Variants in ETV7 observed in about 807,000 individuals in gnomAD.
The protein encoded by ETV7 is transcription factor ETV7.
Under a neutral mutation model 39.1 loss-of-function variants are expected in ETV7, and 43 were observed. That is an observed-to-expected ratio of 1.10 (90% CI 0.86 to 1.42). The LOEUF (loss-of-function observed/expected upper bound fraction) is 1.42. ETV7 is among the 40% of genes most tolerant of loss of function. The pLI is 0.00. For synonymous variants in ETV7, 196 were observed against 176.6 expected (o/e 1.11, Z -0.87); for missense variants, 432 against 442.3 (o/e 0.98, Z 0.21).
In ETV7 at chr6:36,366,576, G is replaced by A. The variant is rs886212196; in HGVS notation, c.*69C>T. 77 of 1,608,418 alleles carry A rather than the reference G, an allele frequency of 4.8e-5. 1 individual carries two copies. In the South Asian group the frequency reaches 8.3e-4, roughly 17 times the overall value. On this transcript the variant is annotated 3_prime_UTR_variant, in exon 8 of 8. Transcript: ENST00000340181. ...GGATCCTGCTGCTCTGCTGGGAGGA[G>A]GAGTCTGCCTTCATGGGAGACTCGG... is the stretch of plus-strand genomic sequence containing the variant.
chr6:36,371,691 TAGA>T, intron 4 of ETV7, 131 bp from the exon 5 acceptor site: 1 of 859,984 alleles, frequency 1.2e-6, no homozygotes, highest in Non-Finnish European at 1.8e-6. Context: ...AGCCCCTGGT[TAGA>T]AGGTCAGGGA....
Position 36,373,590 on chromosome 6 carries a change from T to TG in ETV7, c.308-13dup. 3.9e-6 allele frequency: 1 copy of TG among 255,710 alleles called. No homozygotes were observed. The allele number at this position is 255,710 out of a possible 1,614,324, so 15.8% of individuals were successfully genotyped here. Reference sequence around the variant, plus strand: ...ATACAGGACGTCACCTGGAGGTGGGTGGGAGGGAGGGCAGGCTGCTGAACA... The same window carrying TG: ...ATACAGGACGTCACCTGGAGGTGGGTGGGGAGGGAGGGCAGGCTGCTGAACA... On this transcript the variant is annotated splice_polypyrimidine_tract_variant and intron_variant, in intron 3 of 7. Transcript: ENST00000340181.
intron 7 of ETV7, among the ~76,000 whole-genome samples, chr6:36,357,356 G>A (rs1383543898): frequency 3.3e-5 from 5 of 152,126 alleles, no homozygotes; most frequent in African/African-American, 1.2e-4. Context: ...GGCAATCTCC[G>A]ACCAGAGAGT....
intron 2 of ETV7, among the ~76,000 whole-genome samples, chr6:36,381,596 C>G (rs1482958787): frequency 6.6e-6 from 1 of 152,148 alleles, no homozygotes; most frequent in Non-Finnish European, 1.5e-5. Flanking sequence ...TTATCATGTC[C>G]TTAGTTTATT....
intron 2 of ETV7, among the ~76,000 whole-genome samples, chr6:36,384,179 C>T (rs1368372366): frequency 6.6e-6 from 1 of 152,242 alleles, no homozygotes; most frequent in East Asian, 1.9e-4. Flanking sequence ...CTACTCCTCA[C>T]CAGTGTTTTA....
chr6:36,368,144 G>C (rs1772821689), intron 6 of ETV7, among the ~76,000 whole-genome samples: 1 of 152,046 alleles, frequency 6.6e-6, no homozygotes, highest in East Asian at 1.9e-4. Context: ...GGTAAACTTG[G>C]GGCAAGTTGT....
chr6:36,381,008 C>A (rs79320948), intron 2 of ETV7, among the ~76,000 whole-genome samples: 1,799 of 152,118 alleles, frequency 0.012, 35 homozygotes, highest in African/African-American at 0.041. Flanking sequence ...CCTCAAAGTG[C>A]CCCTCCCCAC....
intron 4 of ETV7, among the ~76,000 whole-genome samples, chr6:36,371,978 C>T (rs1044615838): frequency 6.6e-6 from 1 of 152,086 alleles, no homozygotes; most frequent in Non-Finnish European, 1.5e-5. Flanking sequence ...CCTCAGGGAG[C>T]TTATATGCTA....
At chr6:36,385,337 G>A (rs957597255) in intron 2 of ETV7, among the ~76,000 whole-genome samples, 197 bp downstream of exon 2, 25 of 152,090 alleles carry the variant, frequency 1.6e-4, no homozygotes, top group African/African-American at 6.0e-4. Context: ...ATTAGCCAGT[G>A]TGCCTGTAGT....
chr6:36,366,189 A>G, downstream of ETV7: 1 of 1,001,424 alleles, frequency 1.0e-6, no homozygotes, highest in Admixed American at 5.3e-5. Flanking sequence ...TAAAAGAAAG[A>G]AACATCAGCT....
intron 2 of ETV7, 31 bp from the exon 3 acceptor site, chr6:36,376,066 C>T (rs1467478758): frequency 7.0e-6 from 11 of 1,570,172 alleles, no homozygotes; most frequent in Non-Finnish European, 8.6e-6. Context: ...TCCCATCACT[C>T]CCCGTCGGGC....
In ETV7 at chr6:36,375,599, G is replaced by A; in HGVS notation, c.307+272C>T. On this transcript the variant is annotated intron_variant, in intron 3 of 7. Coordinates refer to ENST00000340181, the MANE Select transcript of ETV7 (RefSeq NM_016135.4). ...ATGGAAGTGGATAGAGGAGACAAGG[G>A]CCACAGATAAAGGGAAGAGAAAGCG... Among the ~76,000 whole-genome samples, 2 of 152,194 alleles carry A rather than the reference G, an allele frequency of 1.3e-5. 1 individual carries two copies. Among genetic ancestry groups the A allele is most frequent in the Non-Finnish European group, 2.9e-5 (2 of 68,034 alleles).
Position 36,366,958 on chromosome 6 carries a change from G to C in ETV7, c.825C>G (p.Thr275=), listed in dbSNP as rs149086054. Residue 275 remains threonine (T), a synonymous_variant, in exon 7 of 8, where the codon ACC becomes ACG. Coordinates refer to ENST00000340181, the MANE Select transcript of ETV7 (RefSeq NM_016135.4). ...WGNHKNRVNM[T]YEKMSRALRH... is the part of the protein sequence containing the mutation. Reference sequence around the variant, plus strand: ...GCAGGGCACGAGACATCTTCTCGTAGGTCATGTTCACCCGGTTCTGGAAAG... The same window carrying C: ...GCAGGGCACGAGACATCTTCTCGTACGTCATGTTCACCCGGTTCTGGAAAG... 5 of 1,613,904 alleles carry C rather than the reference G, an allele frequency of 3.1e-6. No individual in the cohort carries two copies. In the African/African-American group the frequency reaches 4.0e-5, roughly 13 times the overall value.
intron 7 of ETV7, among the ~76,000 whole-genome samples, chr6:36,356,666 T>C (rs1262046743): frequency 1.3e-5 from 2 of 152,226 alleles, no homozygotes; most frequent in African/African-American, 4.8e-5. Flanking sequence ...GGAAATGGGC[T>C]TCTCTTAATG....
Position 36,375,954 on chromosome 6 carries a change from G to A in ETV7, c.224C>T (p.Thr75Ile), listed in dbSNP as rs753558167. 6 of 1,613,572 alleles carry A rather than the reference G, an allele frequency of 3.7e-6. No homozygotes were observed. The highest frequency in any genetic ancestry group is 5.1e-6 in the Non-Finnish European group (6 of 1,180,036). Residue 75 changes from threonine (T) to isoleucine (I), a missense_variant, in exon 3 of 8, where the codon ACC becomes ATC. Coordinates refer to ENST00000340181, the MANE Select transcript of ETV7 (RefSeq NM_016135.4). Reference sequence around the variant, plus strand: ...GTTCATCTCGAACCCGTGCTCCGCGGTGCATGGCAGAGAGTACTCCTGCTC... The same window carrying A: ...GTTCATCTCGAACCCGTGCTCCGCGATGCATGGCAGAGAGTACTCCTGCTC... ...WAEQEYSLPC[T>I]AEHGFEMNGR...
intron 2 of ETV7, among the ~76,000 whole-genome samples, chr6:36,382,138 C>G (rs761322585): frequency 1.3e-5 from 2 of 152,150 alleles, no homozygotes; most frequent in African/African-American, 4.8e-5. Flanking sequence ...AGGCCATGAT[C>G]TAGGGCAGCA....
chr6:36,379,589 A>G (rs1422842179), intron 2 of ETV7, among the ~76,000 whole-genome samples: 1 of 151,386 alleles, frequency 6.6e-6, no homozygotes, highest in Non-Finnish European at 1.5e-5. Flanking sequence ...AAGAAGAAAA[A>G]GAAGAAGGCC....
chr6:36,363,595 G>C (rs958313053), downstream of ETV7, among the ~76,000 whole-genome samples: 3 of 152,224 alleles, frequency 2.0e-5, no homozygotes, highest in Non-Finnish European at 4.4e-5. Context: ...AAGCTCCCAC[G>C]GTGTCAAAGG....
rs775987267 is a variant in ETV7 at position 36,371,455 on chromosome 6, G to A, written c.539C>T (p.Ala180Val). 3.6e-5 allele frequency: 57 copies of A among 1,602,204 alleles called. No homozygotes were observed. The highest frequency in any genetic ancestry group is 4.9e-5 in the Non-Finnish European group (57 of 1,174,104). ...NFGHLDDPGL[A>V]RWTPGKEESL... ...CTCCTCCTTGCCAGGGGTCCACCTT[G>A]CCAGGCCAGGGTCATCCAGGTGGCC... is the stretch of plus-strand genomic sequence containing the variant. The change falls in exon 5 of 8, where the codon GCA becomes GTA. Residue 180 changes from alanine to valine, a missense_variant. Transcript: ENST00000340181.
Sources: gnomAD v4.1 joint callset for allele counts (sites outside exome capture counted in the v4.1 genomes callset) on GRCh38, gnomAD v4.1.1 for gene constraint, MANE v1.5 for transcripts, NCBI Gene and HGNC (gene_info 2026-07-23, HGNC 2026-07-21) for gene names.